The following MAGI1 variants were observed in gnomAD, a reference collection of about 807,000 sequenced individuals.
MAGI1 encodes the protein membrane associated guanylate kinase, WW and PDZ domain containing 1, also known as membrane-associated guanylate kinase, WW and PDZ domain-containing protein 1.
Under a neutral mutation model 139.9 loss-of-function variants are expected in MAGI1, and 58 were observed. The observed-to-expected ratio is 0.41, with a 90% confidence interval of 0.34 to 0.52. The LOEUF (loss-of-function observed/expected upper bound fraction) is 0.52. MAGI1 is among the 20% of genes least tolerant of loss of function. The pLI is 0.12. For missense variants in MAGI1, 1,874 were observed against 1,901.6 expected, an observed-to-expected ratio of 0.99 and a Z score of 0.27; for synonymous variants, 812 against 737.9, an observed-to-expected ratio of 1.10 and a Z score of -1.63.
chr3:65,850,474 A>G (rs2059164262), intron 1 of MAGI1, among the ~76,000 whole-genome samples: 1 of 152,218 alleles, frequency 6.6e-6, no homozygotes, highest in South Asian at 2.1e-4. Context: ...TGTCAAGATA[A>G]GCAAGACACC....
intron 1 of MAGI1, among the ~76,000 whole-genome samples, chr3:65,771,701 T>TA (rs1174658556): frequency 6.6e-6 from 1 of 152,176 alleles, no homozygotes; most frequent in African/African-American, 2.4e-5. Context: ...AAACCTTTAA[T>TA]AAAAAACAAA....
intron 2 of MAGI1, among the ~76,000 whole-genome samples, chr3:65,573,240 A>G (rs183576383): frequency 3.3e-4 from 50 of 152,216 alleles, no homozygotes; most frequent in African/African-American, 1.2e-3. Context: ...ACATATTTAA[A>G]ATCATTAGAA....
chr3:65,465,511 G>T (rs1290485105), intron 5 of MAGI1, among the ~76,000 whole-genome samples: 1 of 152,048 alleles, frequency 6.6e-6, no homozygotes, highest in Non-Finnish European at 1.5e-5. Flanking sequence ...ACTGGATGTA[G>T]AATTTTGGGT....
chr3:65,704,552 A>C lies in MAGI1; in HGVS notation c.314-82464T>G, dbSNP rs2089826980. On this transcript the variant is annotated intron_variant, in intron 1 of 22. Coordinates refer to ENST00000402939, the MANE Select transcript of MAGI1 (RefSeq NM_001033057.2). ...TGTCCAGAGAGATTATTTTGAATTG[A>C]AACTTTTCTTCCTCATCTGACTTGG... is the stretch of plus-strand genomic sequence containing the variant. 1.3e-5 allele frequency among the ~76,000 whole-genome samples: 2 copies of C among 152,164 alleles called. 1 individual carries two copies. The highest frequency in any genetic ancestry group is 1.3e-4 in the Admixed American group (2 of 15,268).
Position 65,356,488 on chromosome 3 carries a change from G to T in MAGI1, c.4279C>A (p.Arg1427=). Residue 1427 remains arginine, a synonymous_variant, in exon 23 of 23, where the codon CGA becomes AGA. Transcript: ENST00000402939. ...KRNREDRASH[R]EREEANLKQD... ...TTCAGATTCGCCTCTTCCCTTTCTC[G>T]GTGGCTGGCTCTGTCCTCTCTGTTC... 2 of 1,611,724 alleles carry T rather than the reference G, an allele frequency of 1.2e-6. No individual in the cohort carries two copies. The highest frequency in any genetic ancestry group is 1.7e-5 in the Admixed American group (1 of 60,004).
intron 1 of MAGI1, among the ~76,000 whole-genome samples, chr3:65,675,562 C>T (rs1016753874): frequency 4.6e-5 from 7 of 152,004 alleles, no homozygotes; most frequent in Admixed American, 2.6e-4. Flanking sequence ...AATGAATTCA[C>T]CAGTGTATTA....
chr3:65,987,271 T>C (rs938037777), intron 1 of MAGI1, among the ~76,000 whole-genome samples: 2 of 152,218 alleles, frequency 1.3e-5, no homozygotes, highest in Non-Finnish European at 2.9e-5. Context: ...CTATTCCTAA[T>C]GTGCATCCTT....
At chr3:65,593,408 G>GGT (rs112263952) in intron 2 of MAGI1, among the ~76,000 whole-genome samples, 11 of 152,030 alleles carry the variant, frequency 7.2e-5, no homozygotes, top group Non-Finnish European at 1.3e-4. Context: ...GGATGGGGGG[G>GGT]AAAGGAGATT....
At chr3:65,916,824 C>T (rs966085265) in intron 1 of MAGI1, among the ~76,000 whole-genome samples, 5 of 152,064 alleles carry the variant, frequency 3.3e-5, no homozygotes, top group Admixed American at 2.0e-4. Context: ...CACCCTGCCA[C>T]TACCTCCAGA....
chr3:65,908,420 A>G (rs2566351), intron 1 of MAGI1, among the ~76,000 whole-genome samples: 141,842 of 152,122 alleles, frequency 0.93, 66,306 homozygotes, highest in East Asian at 1. Context: ...TCTCTGCTGG[A>G]ATTACAGGCA....
intron 1 of MAGI1, among the ~76,000 whole-genome samples, chr3:65,867,274 G>T (rs1383299852): frequency 2.6e-5 from 4 of 152,178 alleles, no homozygotes; most frequent in Admixed American, 2.6e-4. Flanking sequence ...GAGGGCCAGG[G>T]GGTCCCTGAG....
Position 65,450,101 on chromosome 3 carries a change from G to A in MAGI1, c.1043-2044C>T, listed in dbSNP as rs984987883. On this transcript the variant is annotated intron_variant, in intron 6 of 22. Transcript: ENST00000402939. ...CTAAGAGAGAAATGCACATTTAACTGACATGAGGCAGGAACTCAATGAGGA... is the reference window on the plus strand; with the variant it reads ...CTAAGAGAGAAATGCACATTTAACTAACATGAGGCAGGAACTCAATGAGGA... Among the ~76,000 whole-genome samples, 35 of 152,160 alleles carry A rather than the reference G, an allele frequency of 2.3e-4. 1 individual carries two copies. Among genetic ancestry groups the A allele is most frequent in the Admixed American group, 2.3e-3 (35 of 15,260 alleles).
rs1314165070 is a variant in MAGI1, at chr3:65,937,346, T to C, written c.313+100650A>G. On this transcript the variant is annotated intron_variant, in intron 1 of 22. Coordinates refer to ENST00000402939, the MANE Select transcript of MAGI1 (RefSeq NM_001033057.2). ...CTCAGATTTCCAACGCTTGCTAGCT[T>C]TGTCTGTTTTGAATGGCCGTGCTCA... Among the ~76,000 whole-genome samples the C allele has an allele frequency of 2.0e-5, 3 of 152,190 alleles. No homozygotes were observed. In the East Asian group the frequency reaches 5.8e-4, roughly 30 times the overall value.
chr3:65,407,737 A>C (rs1035383768), intron 12 of MAGI1, among the ~76,000 whole-genome samples: 2 of 152,212 alleles, frequency 1.3e-5, no homozygotes, highest in African/African-American at 4.8e-5. Flanking sequence ...AAACACTAGG[A>C]TTAATAAGTA....
At chr3:65,747,974 T>C (rs1299299604) in intron 1 of MAGI1, among the ~76,000 whole-genome samples, 1 of 152,148 alleles carries the variant, frequency 6.6e-6, no homozygotes, top group Non-Finnish European at 1.5e-5. Flanking sequence ...GGGGTGCCAG[T>C]AATTAGGACC....
chr3:65,855,463 A>G (rs183647533), intron 1 of MAGI1, among the ~76,000 whole-genome samples: 23 of 147,380 alleles, frequency 1.6e-4, no homozygotes, highest in Non-Finnish European at 1.8e-4. Context: ...ATGGCCCAGC[A>G]TAGTGGCTTG....
intron 5 of MAGI1, among the ~76,000 whole-genome samples, chr3:65,469,032 G>A (rs937278973): frequency 4.0e-5 from 6 of 151,352 alleles, no homozygotes; most frequent in African/African-American, 1.2e-4. Context: ...AATTCACAAC[G>A]CATATCAATG....
intron 1 of MAGI1, among the ~76,000 whole-genome samples, chr3:65,665,437 T>C (rs1273367118): frequency 1.3e-5 from 2 of 152,192 alleles, no homozygotes; most frequent in Admixed American, 6.5e-5. Flanking sequence ...GTGAACAGCA[T>C]TGCTGTAAAG....
At chr3:65,900,297 T>C (rs1290697767) in intron 1 of MAGI1, among the ~76,000 whole-genome samples, 7 of 152,178 alleles carry the variant, frequency 4.6e-5, no homozygotes, top group Non-Finnish European at 8.8e-5. Flanking sequence ...ACAACATCAC[T>C]AACCAACCTT....
Sources: gnomAD v4.1 joint callset for allele counts (sites outside exome capture counted in the v4.1 genomes callset) on GRCh38, gnomAD v4.1.1 for gene constraint, MANE v1.5 for transcripts, NCBI Gene and HGNC (gene_info 2026-07-23, HGNC 2026-07-21) for gene names.